Variants in ZNF600 observed in about 807,000 individuals in gnomAD.
The protein encoded by ZNF600 is zinc finger protein KR-ZNF1.
A neutral mutation model predicts 7.3 loss-of-function variants in ZNF600; 4 were observed. The ratio of observed to expected loss-of-function variants is 0.55; its 90% CI spans 0.27 to 1.25. The LOEUF is 1.25. Ranked by LOEUF, ZNF600 falls within the 50% of genes most tolerant of loss-of-function variation. ZNF600 has a pLI of 0.12. For missense variants in ZNF600, 911 were observed against 922.1 expected, an observed-to-expected ratio of 0.99 and a Z score of 0.16; for synonymous variants, 290 against 308.9, an observed-to-expected ratio of 0.94 and a Z score of 0.64.
chr19:52,769,257 C>A (rs1225797572), intron 3 of ZNF600, among the ~76,000 whole-genome samples: 1 of 152,200 alleles, frequency 6.6e-6, no homozygotes, highest in Non-Finnish European at 1.5e-5. Context: ...CTGCAGTTAT[C>A]CGGAGGCCTA....
At chr19:52,788,968 C>T (rs2062785046), upstream of ZNF600, among the ~76,000 whole-genome samples, 1 of 152,216 alleles carries the variant, frequency 6.6e-6, no homozygotes, top group Non-Finnish European at 1.5e-5. Context: ...CACCTTCTGG[C>T]TCTGCTCTCC....
At chr19:52,771,193 C>A (rs1390554094) in intron 3 of ZNF600, among the ~76,000 whole-genome samples, 1 of 152,084 alleles carries the variant, frequency 6.6e-6, no homozygotes, top group Non-Finnish European at 1.5e-5. Context: ...CTCTTTCCCC[C>A]ATGTCAGGAC....
At chr19:52,768,578 TC>T (rs1171107530) in intron 3 of ZNF600, among the ~76,000 whole-genome samples, 1 of 151,960 alleles carries the variant, frequency 6.6e-6, no homozygotes, top group Non-Finnish European at 1.5e-5. Context: ...TGAGATGGAG[TC>T]TTGCACTCCA....
the ZNF600 span, chr19:52,797,817 T>C: frequency 1.3e-5 from 2 of 152,154 alleles, no homozygotes; most frequent in African/African-American, 4.8e-5. Flanking sequence ...TCCCCATAAC[T>C]TTTTGTTAAA....
intron 3 of ZNF600, among the ~76,000 whole-genome samples, chr19:52,771,718 T>C (rs993314657): frequency 6.6e-6 from 1 of 152,214 alleles, no homozygotes; most frequent in African/African-American, 2.4e-5. Flanking sequence ...CCTGAGGTGA[T>C]CCACCCGTCT....
chr19:52,807,178 C>A, the ZNF600 span, among the ~76,000 whole-genome samples: 1 of 152,088 alleles, frequency 6.6e-6, no homozygotes, highest in Admixed American at 6.6e-5. Flanking sequence ...TTCCCTTGCT[C>A]CAACATGGAG....
upstream of ZNF600, among the ~76,000 whole-genome samples, chr19:52,791,272 C>T (rs528337869): frequency 6.6e-6 from 1 of 152,324 alleles, no homozygotes; most frequent in East Asian, 1.9e-4. Context: ...TGGGTGTGAG[C>T]CCTTCCCAGG....
chr19:52,783,168 T>G (rs1165420577), intron 1 of ZNF600, among the ~76,000 whole-genome samples: 3 of 151,928 alleles, frequency 2.0e-5, no homozygotes, highest in South Asian at 2.1e-4. Context: ...CATTATAAAA[T>G]GCACCACACT....
Position 52,786,751 on chromosome 19 carries a change from C to T in ZNF600, c.-176G>A. ...CTCACGCGCCGTGGTAGGACCTTCA[C>T]TCCACGCGATCCGCTTCCGGGTTTG... On this transcript the variant is annotated 5_prime_UTR_variant, in exon 1 of 4. In the 5' UTR this introduces an upstream ATG that the reference lacks. Coordinates refer to ENST00000648973, the Ensembl canonical transcript of ZNF600. The T allele has an allele frequency of 2.7e-6, 1 of 377,302 alleles. No homozygotes were observed. The allele number at this position is 377,302 out of a possible 1,614,324, so 23.4% of individuals were successfully genotyped here.
chr19:52,812,180 G>A, the ZNF600 span, among the ~76,000 whole-genome samples: 1 of 125,470 alleles, frequency 8.0e-6, no homozygotes, highest in Non-Finnish European at 1.6e-5. Flanking sequence ...CGCCCCATCT[G>A]GGAGGTGAGG....
At chr19:52,772,683 C>T (rs1339069588) in intron 3 of ZNF600, among the ~76,000 whole-genome samples, 3 of 152,128 alleles carry the variant, frequency 2.0e-5, no homozygotes, top group Non-Finnish European at 2.9e-5. Flanking sequence ...AGCAGGCCCG[C>T]GGTGTTCATG....
intron 2 of ZNF600, among the ~76,000 whole-genome samples, chr19:52,776,595 A>G (rs1334345631): frequency 6.6e-6 from 1 of 152,084 alleles, no homozygotes; most frequent in Non-Finnish European, 1.5e-5. Context: ...TATATTTAGC[A>G]GAGACAGGGT....
chr19:52,831,767 G>T, the ZNF600 span, among the ~76,000 whole-genome samples: 1 of 151,980 alleles, frequency 6.6e-6, no homozygotes, highest in African/African-American at 2.4e-5. Context: ...GCCTCCCAAA[G>T]TGCTGGGATT....
chr19:52,767,249 T>A, exon 4 of ZNF600: 5 of 1,614,204 alleles, frequency 3.1e-6, no homozygotes, highest in Non-Finnish European at 4.2e-6. Flanking sequence ...AATTAAAGGC[T>A]TTGCCACTCT....
upstream of ZNF600, among the ~76,000 whole-genome samples, chr19:52,790,671 CTCTCTCTCTCCTTT>C (rs1236768661): frequency 6.7e-6 from 1 of 148,794 alleles, no homozygotes; most frequent in Non-Finnish European, 1.5e-5. Flanking sequence ...AACATTATCT[CTCTCTCTCTCCTTT>C]TTTTTTTTTT....
At chr19:52,775,392 A>C (rs1467085789) in intron 2 of ZNF600, among the ~76,000 whole-genome samples, 2 of 152,032 alleles carry the variant, frequency 1.3e-5, no homozygotes, top group African/African-American at 4.8e-5. Context: ...TCTACTAAAA[A>C]TACAAAAATT....
At chr19:52,801,309 C>A in the ZNF600 span, 3 of 1,614,076 alleles carry the variant, frequency 1.9e-6, no homozygotes, top group Non-Finnish European at 2.5e-6. Context: ...ACAACAAATT[C>A]TTTGGGATGT....
intron 2 of ZNF600, among the ~76,000 whole-genome samples, chr19:52,775,293 T>G (rs2062665371): frequency 6.6e-6 from 1 of 151,886 alleles, no homozygotes; most frequent in Non-Finnish European, 1.5e-5. Flanking sequence ...GACTGTCACC[T>G]GTAATCCCAG....
chr19:52,802,861 C>G, the ZNF600 span, among the ~76,000 whole-genome samples: 1 of 149,096 alleles, frequency 6.7e-6, no homozygotes, highest in African/African-American at 2.5e-5. Flanking sequence ...CCCGGGTTCA[C>G]GCCATTCTCC....
Sources: gnomAD v4.1 joint callset for allele counts (sites outside exome capture counted in the v4.1 genomes callset) on GRCh38, gnomAD v4.1.1 for gene constraint, MANE v1.5 for transcripts, NCBI Gene and HGNC (gene_info 2026-07-23, HGNC 2026-07-21) for gene names.